BRWD3: variants seen among roughly 807,000 people sequenced by gnomAD.
BRWD3 encodes bromodomain and WD repeat domain containing 3, also known as bromodomain and WD repeat-containing protein 3.
In BRWD3, 10 loss-of-function variants were observed where a neutral mutation model predicts 149.7. That is an observed-to-expected ratio of 0.07 (90% CI 0.04 to 0.11). BRWD3 has a LOEUF of 0.11. Ranked by LOEUF, BRWD3 falls within the 10% of genes least tolerant of loss-of-function variation. The pLI is 1.00. For missense variants in BRWD3, 940 were observed against 1,373.2 expected, an observed-to-expected ratio of 0.68 and a Z score of 4.99; for synonymous variants, 504 against 456.7, an observed-to-expected ratio of 1.10 and a Z score of -1.32.
At chrX:80,730,430 A>C (rs1414321297) in intron 12 of BRWD3, among the ~76,000 whole-genome samples, 1 of 110,136 alleles carries the variant, frequency 9.1e-6, no homozygotes, top group African/African-American at 3.3e-5. Flanking sequence ...AGAAAGAAAG[A>C]AAGAAAGAAA....
At chrX:80,731,894 C>CAAA (rs760738184) in intron 12 of BRWD3, among the ~76,000 whole-genome samples, 11 of 22,909 alleles carry the variant, frequency 4.8e-4, no homozygotes, top group Middle Eastern at 0.028. Flanking sequence ...GACTCTGTCT[C>CAAA]AAAAAAAAAA....
At position 80,686,974 on chromosome X, in the gene BRWD3, T is replaced by G. The variant is rs1211039108; in HGVS notation, c.3894A>C (p.Leu1298Phe). ...TTTTCCAAGCATCAGGATTACACTT[T>G]AAAGACTGTCTTCTGCCTCGGCATT... ...KVKCRGRRQS[L>F]KCNPDAWKKQ... Residue 1298 changes from leucine to phenylalanine, a missense_variant, in exon 35 of 41, where the codon TTA (leucine) becomes TTC (phenylalanine). Around this residue, in one of 6 missense-constraint regions of BRWD3, gnomAD observed 349 missense variants for 419.6 expected, o/e 0.83. Transcript: ENST00000373275. The G allele has an allele frequency of 8.3e-7, 1 of 1,207,586 alleles. No individual in the cohort carries two copies. The highest frequency in any genetic ancestry group is 1.8e-5 in the African/African-American group (1 of 56,905).
In BRWD3 at chrX:80,691,992, A is replaced by G; in HGVS notation, c.3326-14T>C. The G allele has an allele frequency of 2.7e-6, 1 of 375,586 alleles. No homozygotes were observed. The highest frequency in any genetic ancestry group is 3.9e-6 in the Non-Finnish European group (1 of 255,490). 31.0% of individuals were successfully genotyped at this position (375,586 alleles called of 1,213,427 possible). A position where few individuals can be genotyped will look rare whatever the true frequency, so the allele number is the denominator to read the frequency against. The stretch of plus-strand genomic sequence containing the variant: ...CTGGAAAGGCAGCTAGGTATAAGAT[A>G]AAAAAAAAAAAATTAGAAAAAATTA... On this transcript the variant is annotated splice_polypyrimidine_tract_variant and intron_variant, in intron 29 of 40. Transcript: ENST00000373275.
At chrX:80,732,583 GGAGA>G (rs917269312) in intron 12 of BRWD3, among the ~76,000 whole-genome samples, 3 of 111,051 alleles carry the variant, frequency 2.7e-5, no homozygotes, top group African/African-American at 9.8e-5. Context: ...AAAGAAAGTA[GGAGA>G]GAGAGAGAAA....
intron 28 of BRWD3, 103 bp downstream of exon 28, chrX:80,692,837 T>G: frequency 1.6e-6 from 1 of 631,698 alleles, no homozygotes; most frequent in Admixed American, 2.4e-5. Flanking sequence ...ATTGTGAGAC[T>G]AGATAAGTCA....
chrX:80,758,598 T>G (rs2073769855), intron 6 of BRWD3, among the ~76,000 whole-genome samples: 1 of 110,948 alleles, frequency 9.0e-6, no homozygotes, highest in African/African-American at 3.3e-5. Flanking sequence ...TTGAACTTTA[T>G]CTCTCTCTGT....
At chrX:80,793,160 C>CA (rs201065966) in intron 5 of BRWD3, among the ~76,000 whole-genome samples, 2,869 of 44,350 alleles carry the variant, frequency 0.065, 708 homozygotes, top group African/African-American at 0.12. Context: ...GACTCTGTCT[C>CA]AAAAAAAAAA....
intron 40 of BRWD3, among the ~76,000 whole-genome samples, chrX:80,677,640 CTAAT>C (rs2147667955): frequency 9.0e-6 from 1 of 111,514 alleles, no homozygotes; most frequent in East Asian, 2.8e-4. Context: ...CCTGAGAACA[CTAAT>C]TAGTATAGTT....
At chrX:80,722,118 G>A (rs2073160267) in intron 17 of BRWD3, among the ~76,000 whole-genome samples, 1 of 112,010 alleles carries the variant, frequency 8.9e-6, no homozygotes, top group Non-Finnish European at 1.9e-5. Context: ...AAAGTGCTGG[G>A]ATTACAGGCG....
chrX:80,703,853 C>G (rs778719840), intron 23 of BRWD3, among the ~76,000 whole-genome samples: 13 of 111,720 alleles, frequency 1.2e-4, no homozygotes, highest in Non-Finnish European at 2.3e-4. Context: ...CTTTTACATA[C>G]GTCCCTTGAC....
chrX:80,745,508 C>T, intron 7 of BRWD3, 61 bp downstream of exon 7: 1 of 1,060,985 alleles, frequency 9.4e-7, no homozygotes, highest in Non-Finnish European at 1.3e-6. Context: ...CAATGCCATG[C>T]AGTCTGGCTT....
chrX:80,702,358 TAGAC>T (rs754413924), intron 24 of BRWD3, among the ~76,000 whole-genome samples: 1 of 112,227 alleles, frequency 8.9e-6, no homozygotes, highest in Admixed American at 9.5e-5. Context: ...AAATAGTCCT[TAGAC>T]AGGAGTCTCA....
rs1220518906 is a variant in BRWD3, at chrX:80,669,704, T to C, written c.*6905A>G. On this transcript the variant is annotated 3_prime_UTR_variant, in exon 41 of 41. Coordinates refer to ENST00000373275, the MANE Select transcript of BRWD3 (RefSeq NM_153252.5). ...ACTATACAAAATTGCCAATACAAAT[T>C]AACATGTTGTTATACAAATTCTAAC... Among the ~76,000 whole-genome samples the C allele has an allele frequency of 9.0e-6, 1 of 111,478 alleles. No homozygotes were observed. Among genetic ancestry groups the C allele is most frequent in the African/African-American group, 3.3e-5 (1 of 30,702 alleles).
At chrX:80,760,785 T>C (rs1331479044) in intron 6 of BRWD3, among the ~76,000 whole-genome samples, 2 of 111,870 alleles carry the variant, frequency 1.8e-5, no homozygotes, top group Non-Finnish European at 3.8e-5. Context: ...ATGCAACCCA[T>C]TATTTTAGAA....
At chrX:80,805,127 C>T (rs1180707240) in intron 4 of BRWD3, among the ~76,000 whole-genome samples, 3 of 111,292 alleles carry the variant, frequency 2.7e-5, no homozygotes. Flanking sequence ...AAGTAAAACA[C>T]TAAACACTAA....
At chrX:80,680,512 C>G (rs2072429359) in intron 40 of BRWD3, among the ~76,000 whole-genome samples, 1 of 111,819 alleles carries the variant, frequency 8.9e-6, no homozygotes, top group African/African-American at 3.2e-5. Context: ...AGGGCACAGT[C>G]TGAAAACCAC....
At chrX:80,712,946 C>T (rs1338148952) in intron 20 of BRWD3, among the ~76,000 whole-genome samples, 6 of 107,803 alleles carry the variant, frequency 5.6e-5, no homozygotes, top group Non-Finnish European at 7.8e-5. Context: ...GGAGCTCCTC[C>T]GCCCGGCACC....
intron 4 of BRWD3, among the ~76,000 whole-genome samples, chrX:80,797,104 T>G (rs1410618615): frequency 8.9e-6 from 1 of 112,224 alleles, no homozygotes; most frequent in Non-Finnish European, 1.9e-5. Flanking sequence ...CCCTGCACAT[T>G]CAGGCATTTC....
chrX:80,725,832 T>C (rs1485316307), intron 14 of BRWD3, among the ~76,000 whole-genome samples: 3 of 101,958 alleles, frequency 2.9e-5, no homozygotes, highest in Non-Finnish European at 4.0e-5. Flanking sequence ...TAACATAACA[T>C]GTTTACATGT....
Sources: gnomAD v4.1 joint callset for allele counts (sites outside exome capture counted in the v4.1 genomes callset) on GRCh38, gnomAD v4.1.1 for gene constraint, gnomAD v4.1.1 regional missense constraint, MANE v1.5 for transcripts, NCBI Gene and HGNC (gene_info 2026-07-23, HGNC 2026-07-21) for gene names.